TOP2B: variants seen among roughly 807,000 people sequenced by gnomAD.
TOP2B encodes the protein DNA topoisomerase II beta, also known as DNA topoisomerase 2-beta.
A neutral mutation model predicts 193.5 loss-of-function variants in TOP2B; 51 were observed. That is an observed-to-expected ratio of 0.26 (90% CI 0.21 to 0.33). TOP2B has a LOEUF of 0.33. TOP2B is among the 10% of genes least tolerant of loss of function. The pLI, the probability that TOP2B is intolerant of heterozygous loss-of-function variation, is 1.00. For missense variants in TOP2B, 1,378 were observed against 1,909.3 expected, an observed-to-expected ratio of 0.72 and a Z score of 5.19; for synonymous variants, 634 against 635.7, an observed-to-expected ratio of 1.00 and a Z score of 0.04.
Position 25,615,217 on chromosome 3 carries a change from A to C in TOP2B, c.3579T>G (p.Val1193=). 4 of 1,612,282 alleles carry C rather than the reference A, an allele frequency of 2.5e-6. No homozygotes were observed. The highest frequency in any genetic ancestry group is 3.4e-6 in the Non-Finnish European group (4 of 1,178,952). Residue 1193 remains valine (V), a synonymous_variant, in exon 27 of 36, where the codon GTT becomes GTG. Coordinates refer to ENST00000264331, the MANE Select transcript of TOP2B (RefSeq NM_001330700.2). ...DLWKEDLAAF[V]EELDKVESQE... is the part of the protein sequence containing the mutation. ...AGACTTAACCTACATCCAGTTCTTC[A>C]ACAAATGCCGCTAAATCCTCTTTCC...
In TOP2B at chr3:25,618,868, C is replaced by G. The variant is rs908557734; in HGVS notation, c.3064-19G>C. 2 of 1,561,452 alleles carry G rather than the reference C, an allele frequency of 1.3e-6. No individual in the cohort carries two copies. Among genetic ancestry groups the G allele is most frequent in the Non-Finnish European group, 8.7e-7 (1 of 1,148,192 alleles). On this transcript the variant is annotated intron_variant, in intron 23 of 35. Transcript: ENST00000264331. ...AAAGTACCTAAGCAAAACACATATA[C>G]TTTGCAGATCATATAGATCTGTACT...
At chr3:25,627,605 G>T (rs1432610682) in intron 15 of TOP2B, among the ~76,000 whole-genome samples, 2 of 151,880 alleles carry the variant, frequency 1.3e-5, no homozygotes, top group Non-Finnish European at 2.9e-5. Flanking sequence ...GTAACTAGAG[G>T]AATATAATTA....
intron 7 of TOP2B, among the ~76,000 whole-genome samples, chr3:25,634,963 T>C (rs1028673489): frequency 1.3e-5 from 2 of 151,870 alleles, no homozygotes; most frequent in Non-Finnish European, 2.9e-5. Context: ...GAGATACAGG[T>C]TCACCATGCA....
At position 25,643,740 on chromosome 3, in the gene TOP2B, C is replaced by T; in HGVS notation, c.285G>A (p.Glu95=). The T allele has an allele frequency of 6.2e-7, 1 of 1,613,406 alleles. No individual in the cohort carries two copies. The highest frequency in any genetic ancestry group is 8.5e-7 in the Non-Finnish European group (1 of 1,179,618). The change falls in exon 3 of 36, where the codon GAG becomes GAA. Residue 95 remains glutamate, a synonymous_variant. Transcript: ENST00000264331. ...TGTATAAACCTGGCACAAAGGTAACCTCCCTGCAATTCATTCCTACATCTT... is the reference window on the plus strand; with the variant it reads ...TGTATAAACCTGGCACAAAGGTAACTTCCCTGCAATTCATTCCTACATCTT... ...YDEDVGMNCR[E]VTFVPGLYKI...
intron 7 of TOP2B, 49 bp downstream of exon 7, chr3:25,635,887 T>C (rs781416159): frequency 6.6e-7 from 1 of 1,509,600 alleles, no homozygotes; most frequent in South Asian, 1.2e-5. Flanking sequence ...CCAACAATAT[T>C]CTCTCTATAA....
chr3:25,645,525 G>A, intron 1 of TOP2B, 55 bp from the exon 2 acceptor site: 1 of 1,339,570 alleles, frequency 7.5e-7, no homozygotes, highest in Non-Finnish European at 1.0e-6. Flanking sequence ...TAGACAATGA[G>A]TATGGACACA....
chr3:25,606,969 C>T (rs1020073359), intron 31 of TOP2B, among the ~76,000 whole-genome samples: 18 of 152,064 alleles, frequency 1.2e-4, no homozygotes, highest in African/African-American at 4.1e-4. Context: ...ACTATTGAGC[C>T]CTTTATGGAA....
intron 35 of TOP2B, among the ~76,000 whole-genome samples, chr3:25,598,983 T>G (rs1702012077): frequency 6.6e-6 from 1 of 152,004 alleles, no homozygotes; most frequent in African/African-American, 2.4e-5. Context: ...GCGGGGGAGC[T>G]GATGTCATTC....
chr3:25,598,633 G>GTTATC (rs1037768623), intron 35 of TOP2B, among the ~76,000 whole-genome samples, 156 bp from the exon 36 acceptor site: 3 of 152,174 alleles, frequency 2.0e-5, no homozygotes, highest in East Asian at 3.8e-4. Context: ...TGTAAGACCA[G>GTTATC]TTATCTTATT....
chr3:25,625,019 C>A, intron 18 of TOP2B: 1 of 371,692 alleles, frequency 2.7e-6, no homozygotes, highest in Non-Finnish European at 4.9e-6. Context: ...GTTTTTATGC[C>A]ATCTCCATCT....
chr3:25,632,324 G>T, intron 10 of TOP2B, 122 bp downstream of exon 10: 1 of 798,030 alleles, frequency 1.3e-6, no homozygotes, highest in Non-Finnish European at 2.0e-6. Flanking sequence ...AGTTTGTAGT[G>T]CAAGCATGCT....
chr3:25,656,191 GAT>G (rs1703741009), intron 1 of TOP2B, among the ~76,000 whole-genome samples: 1 of 152,120 alleles, frequency 6.6e-6, no homozygotes, highest in Admixed American at 6.6e-5. Context: ...GAAAGAAAAA[GAT>G]ATACCATTCT....
In TOP2B at chr3:25,615,530, T is replaced by A. The variant is rs768263393; in HGVS notation, c.3408A>T (p.Gly1136=). 6.3e-7 allele frequency: 1 copy of A among 1,576,638 alleles called. No individual in the cohort carries two copies. Among genetic ancestry groups the A allele is most frequent in the Non-Finnish European group, 8.6e-7 (1 of 1,160,756 alleles). ...AATTAAAATCTGGGCCTGAAGGAGT[T>A]CCTGAATCGGAGGAACTATCATCAT... is the stretch of plus-strand genomic sequence containing the variant. The part of the protein sequence containing the change: ...NQHDDSSSDS[G]TPSGPDFNYI... The change falls in exon 26 of 36, where the codon GGA becomes GGT. Residue 1136 remains glycine (G), a synonymous_variant. Coordinates refer to ENST00000264331, the MANE Select transcript of TOP2B (RefSeq NM_001330700.2).
In TOP2B at chr3:25,617,622, G is replaced by A. The variant is rs138047614; in HGVS notation, c.3351+796C>T. 1.2e-3 allele frequency among the ~76,000 whole-genome samples: 185 copies of A among 152,228 alleles called. 1 individual carries two copies. In the East Asian group the frequency reaches 0.02, roughly 17 times the overall value. ...ACAATTATAACTATGTTTTAAAGAT[G>A]TTAATGTTATGGAATCATATATGCA... On this transcript the variant is annotated intron_variant, in intron 25 of 35. Coordinates refer to ENST00000264331, the MANE Select transcript of TOP2B (RefSeq NM_001330700.2).
chr3:25,647,308 T>C (rs868152924), intron 1 of TOP2B, among the ~76,000 whole-genome samples: 12 of 152,154 alleles, frequency 7.9e-5, no homozygotes, highest in African/African-American at 2.9e-4. Context: ...AGCCTCAAAA[T>C]AGTTAGAACA....
intron 10 of TOP2B, 135 bp from the exon 11 acceptor site, chr3:25,631,074 G>A (rs1702941506): frequency 3.2e-6 from 2 of 617,758 alleles, no homozygotes; most frequent in Non-Finnish European, 5.1e-6. Context: ...ATGGTGATAA[G>A]CATCATGATA....
At chr3:25,653,927 TAACA>T (rs1216582917) in intron 1 of TOP2B, among the ~76,000 whole-genome samples, 15 of 152,000 alleles carry the variant, frequency 9.9e-5, no homozygotes, top group Middle Eastern at 3.4e-3. Context: ...TAAAAACACA[TAACA>T]AACTAGAAAT....
At chr3:25,629,977 G>A (rs1222729978) in intron 13 of TOP2B, 52 bp downstream of exon 13, 5 of 1,502,364 alleles carry the variant, frequency 3.3e-6, no homozygotes, top group African/African-American at 1.4e-5. Flanking sequence ...ATATTAAAGG[G>A]AGAATCTGAA....
At position 25,664,426 on chromosome 3, in the gene TOP2B, G is replaced by A. The variant is rs1197466775; in HGVS notation, c.-129C>T. 7.9e-7 allele frequency: 1 copy of A among 1,268,112 alleles called. No individual in the cohort carries two copies. The highest frequency in any genetic ancestry group is 9.9e-7 in the Non-Finnish European group (1 of 1,011,844). 78.6% of individuals were successfully genotyped at this position (1,268,112 alleles called of 1,614,324 possible). A position where few individuals can be genotyped will look rare whatever the true frequency, so the allele number is the denominator to read the frequency against. On this transcript the variant is annotated 5_prime_UTR_variant, in exon 1 of 36. Coordinates refer to ENST00000264331, the MANE Select transcript of TOP2B (RefSeq NM_001330700.2). ...CACTCCTAGCCGCGCCGACCCCCGC[G>A]CCCCATCGCGAAGATCCGGAGCGGA...
Sources: gnomAD v4.1 joint callset for allele counts (sites outside exome capture counted in the v4.1 genomes callset) on GRCh38, gnomAD v4.1.1 for gene constraint, MANE v1.5 for transcripts, NCBI Gene and HGNC (gene_info 2026-07-23, HGNC 2026-07-21) for gene names.